Variants in STPG2 observed in about 807,000 individuals in gnomAD.
STPG2 encodes sperm-tail PG-rich repeat-containing protein 2.
Under a neutral mutation model 54.2 loss-of-function variants are expected in STPG2, and 56 were observed. The ratio of observed to expected loss-of-function variants is 1.03; its 90% CI spans 0.83 to 1.29. The LOEUF is 1.29. Ranked by LOEUF, STPG2 falls within the 50% of genes most tolerant of loss-of-function variation. The probability of loss-of-function intolerance (pLI) is 0.00; values close to 1 mark genes in which losing one functional copy is unlikely to be tolerated. For synonymous variants in STPG2, 200 were observed against 181.8 expected (o/e 1.10, Z -0.81); for missense variants, 596 against 544.9 (o/e 1.09, Z -0.93).
intron 4 of STPG2, among the ~76,000 whole-genome samples, chr4:97,461,288 G>A (rs1560618519): frequency 6.6e-6 from 1 of 151,670 alleles, no homozygotes; most frequent in Non-Finnish European, 1.5e-5. Flanking sequence ...TTTTAGCCAT[G>A]CTAATGGGAA....
downstream of STPG2, among the ~76,000 whole-genome samples, chr4:97,558,184 T>G (rs1016218665): frequency 4.6e-5 from 7 of 152,196 alleles, no homozygotes; most frequent in South Asian, 1.4e-3. Context: ...GTTTTTTCAA[T>G]AAATATTTAA....
chr4:97,441,491 G>C (rs1032734689), intron 4 of STPG2: 2 of 151,948 alleles, frequency 1.3e-5, no homozygotes, highest in African/African-American at 4.8e-5. Flanking sequence ...TGAGAGAACT[G>C]TCAGCTTACG....
intron 8 of STPG2, among the ~76,000 whole-genome samples, chr4:97,933,481 G>A (rs906747261): frequency 6.6e-6 from 1 of 152,054 alleles, no homozygotes; most frequent in African/African-American, 2.4e-5. Flanking sequence ...TTCCCCCAGG[G>A]TTTTTACGGT....
At chr4:97,566,225 T>C (rs1732435196) in intron 10 of STPG2, among the ~76,000 whole-genome samples, 2 of 152,214 alleles carry the variant, frequency 1.3e-5, no homozygotes, top group Admixed American at 1.3e-4. Flanking sequence ...TCCATGGGCA[T>C]AGGACCCTCC....
chr4:97,938,467 T>C (rs1304544910), intron 8 of STPG2, among the ~76,000 whole-genome samples: 2 of 14,336 alleles, frequency 1.4e-4, no homozygotes, highest in African/African-American at 4.5e-4. Flanking sequence ...GTCAGAAGGC[T>C]TAGACAGCAG....
chr4:97,578,024 C>T (rs958924124), intron 10 of STPG2, among the ~76,000 whole-genome samples: 8 of 151,620 alleles, frequency 5.3e-5, no homozygotes, highest in Admixed American at 2.0e-4. Flanking sequence ...GAAGATATTA[C>T]GAATATAACA....
At chr4:97,704,530 G>T (rs1318956609) in intron 10 of STPG2, among the ~76,000 whole-genome samples, 1 of 152,142 alleles carries the variant, frequency 6.6e-6, no homozygotes, top group Non-Finnish European at 1.5e-5. Context: ...TCTGTCAGAA[G>T]AAATGAAGGA....
At chr4:97,876,014 A>G (rs1447143181) in intron 8 of STPG2, among the ~76,000 whole-genome samples, 1 of 152,052 alleles carries the variant, frequency 6.6e-6, no homozygotes, top group African/African-American at 2.4e-5. Context: ...GAAAGTAAAA[A>G]GTTGACTTCA....
At chr4:97,697,547 C>A (rs539079667) in intron 10 of STPG2, among the ~76,000 whole-genome samples, 1 of 152,060 alleles carries the variant, frequency 6.6e-6, no homozygotes, top group Admixed American at 6.5e-5. Flanking sequence ...CTGATTCCTG[C>A]GAGAAGTAGC....
intron 9 of STPG2, among the ~76,000 whole-genome samples, chr4:97,769,590 C>T (rs559220372): frequency 1.3e-5 from 2 of 152,078 alleles, no homozygotes; most frequent in Admixed American, 6.5e-5. Flanking sequence ...TACTTAAGCA[C>T]TAAAGGAGCC....
At chr4:97,573,605 TTGTC>T (rs1179393740) in intron 10 of STPG2, among the ~76,000 whole-genome samples, 10 of 152,162 alleles carry the variant, frequency 6.6e-5, no homozygotes, top group Admixed American at 3.3e-4. Context: ...TTAATTGAAA[TTGTC>T]TGCACTCTTC....
rs143358288 is a variant in STPG2, at chr4:98,027,616, T to C, written c.613-46298A>G. Among the ~76,000 whole-genome samples the C allele has an allele frequency of 3.7e-3, 564 of 152,208 alleles. 8 individuals carry two copies. Among genetic ancestry groups the C allele is most frequent in the Non-Finnish European group, 5.3e-3 (358 of 68,008 alleles). On this transcript the variant is annotated intron_variant, in intron 5 of 10. Transcript: ENST00000295268. ...ATAAGTGTAGAACACCAGACAAACA[T>C]TTCCATTCAAAAAAGAAAAATGGGA...
intron 10 of STPG2, among the ~76,000 whole-genome samples, chr4:97,694,859 C>T (rs1360331259): frequency 6.7e-4 from 40 of 59,712 alleles, no homozygotes; most frequent in African/African-American, 1.7e-3. Flanking sequence ...AAATTAGCAA[C>T]AAAAAAAGTC....
At chr4:97,545,898 CTT>C (rs1357871966) in intron 4 of STPG2, among the ~76,000 whole-genome samples, 2 of 152,016 alleles carry the variant, frequency 1.3e-5, no homozygotes, top group East Asian at 1.9e-4. Flanking sequence ...TTATGTATCT[CTT>C]TGTGCAATTC....
At chr4:97,497,436 T>C in intron 4 of STPG2, among the ~76,000 whole-genome samples, 1 of 151,956 alleles carries the variant, frequency 6.6e-6, no homozygotes, top group Middle Eastern at 3.4e-3. Context: ...AATACTTTTC[T>C]CCCCATTGTG....
intron 9 of STPG2, among the ~76,000 whole-genome samples, chr4:97,801,578 T>A (rs1429938527): frequency 3.3e-5 from 5 of 152,132 alleles, no homozygotes; most frequent in Non-Finnish European, 7.4e-5. Flanking sequence ...TTTTGGCCAA[T>A]GACATGGCTG....
intron 10 of STPG2, among the ~76,000 whole-genome samples, chr4:97,687,882 G>T (rs912141739): frequency 6.6e-6 from 1 of 151,920 alleles, no homozygotes; most frequent in Non-Finnish European, 1.5e-5. Context: ...GCATGCCATG[G>T]ATGTTCAATA....
At chr4:98,096,431 A>T (rs1042129283) in intron 5 of STPG2, among the ~76,000 whole-genome samples, 1 of 151,990 alleles carries the variant, frequency 6.6e-6, no homozygotes, top group African/African-American at 2.4e-5. Flanking sequence ...GAAACAAATG[A>T]TAATGGAAAT....
chr4:98,117,569 G>A (rs1181115834), intron 3 of STPG2, among the ~76,000 whole-genome samples: 4 of 151,596 alleles, frequency 2.6e-5, no homozygotes, highest in Admixed American at 2.0e-4. Context: ...TGGTATACTC[G>A]ACAGTGTCCC....
Sources: allele counts gnomAD v4.1 joint callset (sites outside exome capture counted in the v4.1 genomes callset), GRCh38; gene constraint gnomAD v4.1.1; transcripts MANE v1.5; gene names NCBI Gene and HGNC (gene_info 2026-07-23, HGNC 2026-07-21).